Variants in HNF4G observed in about 807,000 individuals in gnomAD.
The protein encoded by HNF4G is hepatocyte nuclear factor 4 gamma, also known as hepatocyte nuclear factor 4-gamma.
A neutral mutation model predicts 50.9 loss-of-function variants in HNF4G; 21 were observed. That is an observed-to-expected ratio of 0.41 (90% CI 0.29 to 0.59). The LOEUF (loss-of-function observed/expected upper bound fraction) is 0.59, where lower values mean the gene tolerates loss of function less well. Ranked by LOEUF, HNF4G falls within the 20% of genes least tolerant of loss-of-function variation. HNF4G has a pLI of 0.26. For synonymous variants in HNF4G, 198 were observed against 185.6 expected (o/e 1.07, Z -0.54); for missense variants, 527 against 559.4 (o/e 0.94, Z 0.58).
chr8:75,418,555 T>C (rs1041216645), intron 1 of HNF4G, among the ~76,000 whole-genome samples: 1 of 152,156 alleles, frequency 6.6e-6, no homozygotes, highest in African/African-American at 2.4e-5. Context: ...CATATCCTCA[T>C]CCACACTTTC....
intron 1 of HNF4G, among the ~76,000 whole-genome samples, chr8:75,541,819 T>A (rs1176745047): frequency 4.6e-5 from 7 of 152,088 alleles, no homozygotes; most frequent in African/African-American, 1.7e-4. Context: ...CCTTCAGAAT[T>A]ATGTATTAGA....
intron 2 of HNF4G, among the ~76,000 whole-genome samples, chr8:75,519,288 A>G (rs1050044158): frequency 3.3e-5 from 5 of 152,196 alleles, no homozygotes; most frequent in African/African-American, 1.2e-4. Context: ...AAAACCATTC[A>G]ACAAGTTTCT....
chr8:75,425,082 T>TTATTTATTTATG (rs1298182915), intron 1 of HNF4G, among the ~76,000 whole-genome samples: 3 of 150,608 alleles, frequency 2.0e-5, no homozygotes, highest in African/African-American at 7.3e-5. Context: ...ATTTATTTAT[T>TTATTTATTTATG]TATTTATTTA....
intron 1 of HNF4G, among the ~76,000 whole-genome samples, chr8:75,449,208 A>G (rs1373350718): frequency 4.6e-5 from 7 of 152,308 alleles, no homozygotes; most frequent in African/African-American, 1.7e-4. Flanking sequence ...CTCCTAGGGC[A>G]GCCATTGGCA....
Position 75,486,446 on chromosome 8 carries a change from A to T in HNF4G, c.-143-3643A>T, listed in dbSNP as rs12676191. 3.6e-3 allele frequency among the ~76,000 whole-genome samples: 547 copies of T among 152,260 alleles called. 16 individuals are homozygous for T. The East Asian group carries it at 0.06, about 17-fold the overall frequency. ...TCCTTCATTGATCATATACATGTTG[A>T]ATCTGTGTTATGTACAAAGTAGTAA... is the stretch of plus-strand genomic sequence containing the variant. On this transcript the variant is annotated intron_variant, in intron 1 of 10. Transcript: ENST00000354370.
At chr8:75,417,968 C>T (rs1045138114) in intron 1 of HNF4G, among the ~76,000 whole-genome samples, 3 of 138,770 alleles carry the variant, frequency 2.2e-5, no homozygotes, top group Admixed American at 2.1e-4. Context: ...TCTACACACA[C>T]ACACACACAC....
rs765840318 is a variant in HNF4G, at chr8:75,564,011, G to A, written c.1283G>A (p.Gly428Asp). The A allele has an allele frequency of 6.2e-7, 1 of 1,613,398 alleles. No homozygotes were observed. ...PETPLPSPPQ[G>D]SGQEQYKIAA... ...ACCCCACTCCCTTCCCCACCACAAG[G>A]CTCTGGGCAAGAACAGTACAAAATA... Residue 428 changes from glycine (G) to aspartate (D), a missense_variant, in exon 10 of 10, where the codon GGC becomes GAC. Around this residue, in one of 5 missense-constraint regions of HNF4G, gnomAD observed 308 missense variants for 301.5 expected, o/e 1.02. Coordinates refer to ENST00000396423, the MANE Select transcript of HNF4G (RefSeq NM_004133.5).
chr8:75,561,357 G>C (rs1807306065), intron 9 of HNF4G, among the ~76,000 whole-genome samples: 1 of 152,146 alleles, frequency 6.6e-6, no homozygotes. Context: ...CTGCATTTAT[G>C]TTTTATTTGT....
intron 1 of HNF4G, among the ~76,000 whole-genome samples, chr8:75,435,399 T>C (rs1432279113): frequency 2.6e-5 from 4 of 152,200 alleles, no homozygotes; most frequent in South Asian, 2.1e-4. Context: ...TACAAGAGAC[T>C]ATCTTTACTA....
intron 1 of HNF4G, among the ~76,000 whole-genome samples, chr8:75,431,210 T>C (rs1436608912): frequency 6.6e-6 from 1 of 151,828 alleles, no homozygotes; most frequent in Non-Finnish European, 1.5e-5. Context: ...CTTTAGGAGA[T>C]AGAGAGGACA....
intron 1 of HNF4G, among the ~76,000 whole-genome samples, chr8:75,472,972 T>C (rs1027007923): frequency 9.2e-5 from 14 of 152,178 alleles, no homozygotes; most frequent in Non-Finnish European, 8.8e-5. Flanking sequence ...GGGCTGGTCT[T>C]CATTGTTGGG....
rs186479265 is a variant in HNF4G, at chr8:75,523,420, G to A, written c.-23-20391G>A. On this transcript the variant is annotated intron_variant, in intron 2 of 10. Coordinates refer to the HNF4G transcript ENST00000354370. The stretch of plus-strand genomic sequence containing the variant: ...GGCATCTAGGTCTCATGACTGCAAT[G>A]CCTCCTTTTTAAGAAAATATTTTAA... Among the ~76,000 whole-genome samples, 594 of 152,138 alleles carry A rather than the reference G, an allele frequency of 3.9e-3. 1 individual carries two copies. The highest frequency in any genetic ancestry group is 0.013 in the African/African-American group (557 of 41,490).
chr8:75,521,680 A>T (rs1007449267), intron 2 of HNF4G, among the ~76,000 whole-genome samples: 9 of 152,172 alleles, frequency 5.9e-5, no homozygotes, highest in African/African-American at 2.2e-4. Context: ...CTTTTACTTG[A>T]TATATCTTGT....
Position 75,556,652 on chromosome 8 carries a change from A to C in HNF4G, c.733+583A>C, listed in dbSNP as rs184741340. On this transcript the variant is annotated intron_variant, in intron 6 of 9. Coordinates refer to ENST00000396423, the MANE Select transcript of HNF4G (RefSeq NM_004133.5). ...GACATTTGTCTTCATTAATTGCTCCAATCCCGCTACCTTACTTAACTTAAA... is the reference window on the plus strand; with the variant it reads ...GACATTTGTCTTCATTAATTGCTCCCATCCCGCTACCTTACTTAACTTAAA... Among the ~76,000 whole-genome samples, 190 of 152,264 alleles carry C rather than the reference A, an allele frequency of 1.2e-3. 1 individual carries two copies. Among genetic ancestry groups the C allele is most frequent in the Non-Finnish European group, 2.0e-3 (134 of 68,004 alleles).
At chr8:75,539,847 T>C, upstream of HNF4G, 1 of 614,518 alleles carries the variant, frequency 1.6e-6, no homozygotes, top group East Asian at 2.8e-5. Flanking sequence ...AGCTCTTAAG[T>C]CACTCAGTTA....
chr8:75,442,301 T>C (rs935150244), intron 1 of HNF4G, among the ~76,000 whole-genome samples: 1 of 152,108 alleles, frequency 6.6e-6, no homozygotes, highest in Non-Finnish European at 1.5e-5. Flanking sequence ...ATTTGTTTCA[T>C]TGTTATTAAA....
At chr8:75,428,380 A>T (rs146797754) in intron 1 of HNF4G, among the ~76,000 whole-genome samples, 1 of 152,338 alleles carries the variant, frequency 6.6e-6, no homozygotes, top group East Asian at 1.9e-4. Flanking sequence ...AAAGAAAATA[A>T]ACTATTTCCT....
At position 75,565,194 on chromosome 8, in the gene HNF4G, T is replaced by C. The variant is rs1290374832; in HGVS notation, c.*1098T>C. 1 of 152,192 alleles carries C rather than the reference T, an allele frequency of 6.6e-6. No homozygotes were observed. Among genetic ancestry groups the C allele is most frequent in the Non-Finnish European group, 1.5e-5 (1 of 68,022 alleles). The allele number at this position is 152,192 out of a possible 1,614,324, so 9.4% of individuals were successfully genotyped here. On this transcript the variant is annotated 3_prime_UTR_variant, in exon 10 of 10. Coordinates refer to ENST00000396423, the MANE Select transcript of HNF4G (RefSeq NM_004133.5). ...ACTTTAATGAATCTTTGGTGTGGAA[T>C]GAAAAATGTGAACTTCTTACTCATA...
At chr8:75,463,345 C>T (rs1422148479) in intron 1 of HNF4G, among the ~76,000 whole-genome samples, 1 of 152,070 alleles carries the variant, frequency 6.6e-6, no homozygotes, top group Non-Finnish European at 1.5e-5. Context: ...TCACTTTGAT[C>T]CCATTCTCAG....
Sources: allele counts gnomAD v4.1 joint callset (sites outside exome capture counted in the v4.1 genomes callset), GRCh38; gene constraint gnomAD v4.1.1; regional missense constraint gnomAD v4.1.1; transcripts MANE v1.5; gene names NCBI Gene and HGNC (gene_info 2026-07-23, HGNC 2026-07-21).